Variants in FAF1 observed in about 807,000 individuals in gnomAD.
FAF1 encodes the protein FAS-associated factor 1.
FAF1 carries 25 observed loss-of-function variants against 92.5 expected under a neutral mutation model. That is an observed-to-expected ratio of 0.27 (90% confidence interval 0.20 to 0.38). The LOEUF (loss-of-function observed/expected upper bound fraction) is 0.38. Ranked by LOEUF, FAF1 falls within the 10% of genes least tolerant of loss-of-function variation. FAF1 has a pLI of 1.00. For synonymous variants in FAF1, 234 were observed against 273.2 expected, an observed-to-expected ratio of 0.86 and a Z score of 1.42; for missense variants, 636 against 793.3, an observed-to-expected ratio of 0.80 and a Z score of 2.38.
At position 50,638,842 on chromosome 1, in the gene FAF1, T is replaced by C. The variant is rs373846971; in HGVS notation, c.744+16600A>G. On this transcript the variant is annotated intron_variant, in intron 8 of 18. Transcript: ENST00000396153. ...GTTTGCTTTTGCTTTGAAAAAAAAC[T>C]TATTTTTATGAAAGACTCATTTACA... is the stretch of plus-strand genomic sequence containing the variant. Among the ~76,000 whole-genome samples, 10 of 152,334 alleles carry C rather than the reference T, an allele frequency of 6.6e-5. No homozygotes were observed. The East Asian group carries it at 1.5e-3, about 24-fold the overall frequency.
At chr1:50,613,403 T>C (rs569961199) in intron 8 of FAF1, among the ~76,000 whole-genome samples, 2 of 152,338 alleles carry the variant, frequency 1.3e-5, no homozygotes, top group Admixed American at 6.5e-5. Context: ...TCTTCATTTT[T>C]TGACAGACAT....
chr1:50,511,321 A>G (rs995878067), intron 15 of FAF1, among the ~76,000 whole-genome samples: 4 of 152,128 alleles, frequency 2.6e-5, no homozygotes, highest in Non-Finnish European at 4.4e-5. Context: ...AGGTATACAC[A>G]TGCCATTGTG....
chr1:50,641,785 T>C (rs908343002), intron 8 of FAF1, among the ~76,000 whole-genome samples: 1 of 152,236 alleles, frequency 6.6e-6, no homozygotes, highest in Non-Finnish European at 1.5e-5. Context: ...TCTACCTGTG[T>C]GTCAGCTTTG....
intron 5 of FAF1, 31 bp from the exon 6 acceptor site, chr1:50,738,985 A>T (rs1280011729): frequency 3.2e-6 from 4 of 1,234,076 alleles, no homozygotes; most frequent in Non-Finnish European, 4.7e-6. Flanking sequence ...CAAAAAATGA[A>T]TGTTGATGTT....
At chr1:50,722,839 G>C (rs1254460417) in intron 6 of FAF1, among the ~76,000 whole-genome samples, 1 of 152,138 alleles carries the variant, frequency 6.6e-6, no homozygotes, top group African/African-American at 2.4e-5. Flanking sequence ...ATCATTCTGA[G>C]TGAAGAAGCT....
At chr1:50,727,017 T>C (rs1328569589) in intron 6 of FAF1, among the ~76,000 whole-genome samples, 2 of 152,236 alleles carry the variant, frequency 1.3e-5, no homozygotes, top group Non-Finnish European at 2.9e-5. Flanking sequence ...TCTCCAGTTA[T>C]ATTTATACAT....
intron 5 of FAF1, among the ~76,000 whole-genome samples, chr1:50,740,806 G>C (rs1659352029): frequency 6.6e-6 from 1 of 151,966 alleles, no homozygotes; most frequent in Non-Finnish European, 1.5e-5. Context: ...AAATTGATGA[G>C]TTATCTCTAT....
chr1:50,586,716 A>G (rs756188328), intron 9 of FAF1, among the ~76,000 whole-genome samples: 3 of 152,152 alleles, frequency 2.0e-5, no homozygotes, highest in Admixed American at 6.5e-5. Flanking sequence ...AAAATCCACA[A>G]TGCTTTCTCA....
chr1:50,569,105 T>G (rs1326717189), intron 12 of FAF1, among the ~76,000 whole-genome samples: 1 of 152,180 alleles, frequency 6.6e-6, no homozygotes, highest in African/African-American at 2.4e-5. Flanking sequence ...AGGAAGTTTG[T>G]AATCAGATAC....
chr1:50,666,038 G>A (rs773754684), intron 7 of FAF1, among the ~76,000 whole-genome samples: 52 of 151,626 alleles, frequency 3.4e-4, no homozygotes, highest in Admixed American at 6.6e-4. Context: ...TTAGCTAGGC[G>A]TGGTGGTGCA....
In FAF1 at chr1:50,819,690, T is replaced by C. The variant is rs574321566; in HGVS notation, c.115-18013A>G. ...CACACTCTCTCTCTGTATATATATATACATATATATATACATATATATATA... is the reference window on the plus strand; with the variant it reads ...CACACTCTCTCTCTGTATATATATACACATATATATATACATATATATATA... On this transcript the variant is annotated intron_variant, in intron 2 of 18. Coordinates refer to ENST00000396153, the MANE Select transcript of FAF1 (RefSeq NM_007051.3). Among the ~76,000 whole-genome samples the C allele has an allele frequency of 2.7e-4, 16 of 59,202 alleles. 1 individual carries two copies. Among genetic ancestry groups the C allele is most frequent in the Non-Finnish European group, 3.9e-4 (11 of 28,270 alleles). The allele number at this position is 59,202 out of a possible 152,430, so 38.8% of individuals were successfully genotyped here.
At chr1:50,780,911 C>G in intron 4 of FAF1, 1 of 488,376 alleles carries the variant, frequency 2.0e-6, no homozygotes, top group Non-Finnish European at 4.1e-6. Flanking sequence ...CAGCAGGAAG[C>G]AGACAGGGCC....
chr1:50,539,748 A>G lies in FAF1; in HGVS notation c.1269-20T>C, dbSNP rs543692774. On this transcript the variant is annotated intron_variant, in intron 13 of 18. Transcript: ENST00000396153. ...AGAAATCTAAAAGGAGACAAAATAC[A>G]AAGTAAGTTTTGCTTTGTAGTTTAA... 65 of 1,596,880 alleles carry G rather than the reference A, an allele frequency of 4.1e-5. No homozygotes were observed. The South Asian group carries it at 7.0e-4, about 17-fold the overall frequency.
At chr1:50,465,712 G>A (rs946929128) in intron 18 of FAF1, among the ~76,000 whole-genome samples, 1 of 152,100 alleles carries the variant, frequency 6.6e-6, no homozygotes, top group African/African-American at 2.4e-5. Flanking sequence ...GAGAGGGCAG[G>A]GAAGGAAGAC....
intron 2 of FAF1, among the ~76,000 whole-genome samples, chr1:50,825,773 T>C (rs1644091322): frequency 6.6e-6 from 1 of 152,104 alleles, no homozygotes; most frequent in Non-Finnish European, 1.5e-5. Context: ...TATTGACCAA[T>C]AAAGCAAATA....
intron 2 of FAF1, among the ~76,000 whole-genome samples, chr1:50,826,976 G>A (rs1280766526): frequency 6.9e-6 from 1 of 144,192 alleles, no homozygotes; most frequent in Non-Finnish European, 1.5e-5. Context: ...GAGTGCCTCT[G>A]CCCGGCCGCC....
At position 50,908,032 on chromosome 1, in the gene FAF1, C is replaced by A. The variant is rs199883297; in HGVS notation, c.46-50035G>T. Among the ~76,000 whole-genome samples, 45 of 152,334 alleles carry A rather than the reference C, an allele frequency of 3.0e-4. No individual in the cohort carries two copies. In the East Asian group the frequency reaches 5.8e-3, roughly 20 times the overall value. On this transcript the variant is annotated intron_variant, in intron 1 of 18. Coordinates refer to ENST00000396153, the MANE Select transcript of FAF1 (RefSeq NM_007051.3). ...TTAGTGCTATAAATTTCCCTCTACA[C>A]ACAGCTTTAAAAGTGTCCCAGAGGT...
intron 1 of FAF1, among the ~76,000 whole-genome samples, chr1:50,860,955 A>G (rs1314341614): frequency 6.6e-6 from 1 of 151,968 alleles, no homozygotes; most frequent in Non-Finnish European, 1.5e-5. Context: ...GCTGGAAGCC[A>G]TAATCCTAAG....
chr1:50,605,643 A>G (rs1652342470), intron 8 of FAF1, among the ~76,000 whole-genome samples: 1 of 151,990 alleles, frequency 6.6e-6, no homozygotes, highest in Non-Finnish European at 1.5e-5. Flanking sequence ...CTATCACTAC[A>G]GCTTTATGCC....
Sources: allele counts gnomAD v4.1 joint callset (sites outside exome capture counted in the v4.1 genomes callset), GRCh38; gene constraint gnomAD v4.1.1; transcripts MANE v1.5; gene names NCBI Gene and HGNC (gene_info 2026-07-23, HGNC 2026-07-21).